ERP44: variants seen among roughly 807,000 people sequenced by gnomAD.
ERP44 encodes the protein endoplasmic reticulum protein 44, also known as endoplasmic reticulum resident protein 44.
A neutral mutation model predicts 53.4 loss-of-function variants in ERP44; 25 were observed. That is an observed-to-expected ratio of 0.47 (90% confidence interval 0.34 to 0.65). The LOEUF (loss-of-function observed/expected upper bound fraction) is 0.65, where lower values mean the gene tolerates loss of function less well. Among genes scored for constraint, ERP44 ranks in the 30% least tolerant of loss-of-function variants. The probability of loss-of-function intolerance (pLI) is 0.01; values close to 1 mark genes in which losing one functional copy is unlikely to be tolerated. For missense variants in ERP44, 338 were observed against 493.2 expected, an observed-to-expected ratio of 0.69 and a Z score of 2.98; for synonymous variants, 145 against 161.2, an observed-to-expected ratio of 0.90 and a Z score of 0.76.
At position 100,012,187 on chromosome 9, in the gene ERP44, C is replaced by T. The variant is rs1220769472; in HGVS notation, c.762+4135G>A. Among the ~76,000 whole-genome samples the T allele has an allele frequency of 5.3e-5, 8 of 152,214 alleles. No individual in the cohort carries two copies. In the East Asian group the frequency reaches 1.4e-3, roughly 26 times the overall value. On this transcript the variant is annotated intron_variant, in intron 8 of 11. Coordinates refer to ENST00000262455, the MANE Select transcript of ERP44 (RefSeq NM_015051.3). ...TGTGTTAGAATTTTCACTCAAAAGT[C>T]TTCTATAATTCAAAATTCCAAAATA... is the stretch of plus-strand genomic sequence containing the variant.
intron 4 of ERP44, among the ~76,000 whole-genome samples, chr9:100,046,072 A>C (rs1333190066): frequency 1.3e-5 from 2 of 152,192 alleles, no homozygotes; most frequent in East Asian, 3.8e-4. Context: ...AAAAACTAAA[A>C]ATTAAAATTT....
intron 4 of ERP44, among the ~76,000 whole-genome samples, chr9:100,030,648 T>A (rs1051329339): frequency 6.6e-6 from 1 of 152,172 alleles, no homozygotes; most frequent in Admixed American, 6.5e-5. Flanking sequence ...TTTGGATTAA[T>A]CTGCCTTGTA....
intron 7 of ERP44, among the ~76,000 whole-genome samples, chr9:100,017,806 A>G (rs981399545): frequency 6.6e-6 from 1 of 152,174 alleles, no homozygotes; most frequent in African/African-American, 2.4e-5. Context: ...TTCTTACCCC[A>G]CAGGTTAAAA....
At chr9:100,069,202 CTTGT>C (rs1262577124) in intron 1 of ERP44, among the ~76,000 whole-genome samples, 1 of 151,402 alleles carries the variant, frequency 6.6e-6, no homozygotes, top group Admixed American at 6.6e-5. Flanking sequence ...CCTTTGTTCA[CTTGT>C]TTATCTGCTG....
In ERP44 at chr9:100,095,102, A is replaced by T. The variant is rs1184887618; in HGVS notation, c.57+3682T>A. Among the ~76,000 whole-genome samples the T allele has an allele frequency of 5.6e-4, 85 of 152,112 alleles. 1 individual carries two copies. Among genetic ancestry groups the T allele is most frequent in the Non-Finnish European group, 2.8e-4 (19 of 68,020 alleles). On this transcript the variant is annotated intron_variant, in intron 1 of 11. Transcript: ENST00000262455. The stretch of plus-strand genomic sequence containing the variant: ...GTTTTGGAAGAGATTTTATATAATT[A>T]TAAAATAAAAGGTAAATTTTTAAAA...
At chr9:100,001,425 G>T (rs1256352344) in intron 10 of ERP44, among the ~76,000 whole-genome samples, 2 of 152,150 alleles carry the variant, frequency 1.3e-5, no homozygotes, top group Non-Finnish European at 2.9e-5. Flanking sequence ...GGCCCTTGCT[G>T]AAAAAGTAGG....
intron 10 of ERP44, among the ~76,000 whole-genome samples, chr9:99,987,557 T>C (rs890800561): frequency 2.0e-5 from 3 of 152,228 alleles, no homozygotes; most frequent in Non-Finnish European, 4.4e-5. Context: ...TTTCTTAAAA[T>C]TTACATACAG....
At chr9:100,075,769 T>C (rs1360222162) in intron 1 of ERP44, among the ~76,000 whole-genome samples, 1 of 152,182 alleles carries the variant, frequency 6.6e-6, no homozygotes, top group African/African-American at 2.4e-5. Context: ...AGTGGGCCTA[T>C]TTGGATTTTG....
chr9:100,097,797 A>T (rs1826661886), intron 1 of ERP44, among the ~76,000 whole-genome samples: 1 of 152,240 alleles, frequency 6.6e-6, no homozygotes, highest in African/African-American at 2.4e-5. Flanking sequence ...ACTTGTTTCT[A>T]ATCCCAGCTC....
intron 10 of ERP44, chr9:99,998,464 C>T (rs1396372881): frequency 1.4e-6 from 1 of 697,626 alleles, no homozygotes; most frequent in Non-Finnish European, 2.7e-6. Flanking sequence ...CATCACACCT[C>T]TGCACTCTTC....
intron 1 of ERP44, among the ~76,000 whole-genome samples, chr9:100,074,184 T>C (rs990233184): frequency 1.3e-5 from 2 of 152,142 alleles, no homozygotes; most frequent in Non-Finnish European, 2.9e-5. Context: ...TAGAGCCAAA[T>C]GTCCAAAGTG....
intron 4 of ERP44, among the ~76,000 whole-genome samples, chr9:100,026,639 T>C (rs1002855508): frequency 2.6e-5 from 4 of 152,174 alleles, no homozygotes; most frequent in Non-Finnish European, 5.9e-5. Flanking sequence ...ATAATAAAAA[T>C]GTTTTAAACT....
chr9:100,084,517 T>C (rs888205686), intron 1 of ERP44, among the ~76,000 whole-genome samples: 1 of 152,222 alleles, frequency 6.6e-6, no homozygotes, highest in Non-Finnish European at 1.5e-5. Context: ...CTTCATTACC[T>C]GACAATGGGT....
At chr9:100,045,798 C>T (rs895079802) in intron 4 of ERP44, among the ~76,000 whole-genome samples, 1 of 152,072 alleles carries the variant, frequency 6.6e-6, no homozygotes, top group Non-Finnish European at 1.5e-5. Context: ...TCTGAGGCCA[C>T]CTTCTGTCCT....
At chr9:100,041,377 G>C (rs1459837850) in intron 4 of ERP44, among the ~76,000 whole-genome samples, 1 of 152,064 alleles carries the variant, frequency 6.6e-6, no homozygotes, top group African/African-American at 2.4e-5. Context: ...CTGGCATAAA[G>C]AACAGACACA....
chr9:100,044,799 T>C (rs1295831531), intron 4 of ERP44, among the ~76,000 whole-genome samples: 1 of 152,160 alleles, frequency 6.6e-6, no homozygotes, highest in Non-Finnish European at 1.5e-5. Context: ...ATACCAAGTT[T>C]CTAAAAATTT....
At chr9:99,991,719 A>C in intron 10 of ERP44, among the ~76,000 whole-genome samples, 1 of 152,216 alleles carries the variant, frequency 6.6e-6, no homozygotes, top group Non-Finnish European at 1.5e-5. Flanking sequence ...AAATCAATGA[A>C]TCCAGGAGCT....
intron 1 of ERP44, among the ~76,000 whole-genome samples, chr9:100,070,598 C>T (rs997741832): frequency 6.6e-6 from 1 of 152,202 alleles, no homozygotes; most frequent in African/African-American, 2.4e-5. Context: ...TTTAACATCA[C>T]TAAAAGTGGA....
At chr9:100,010,425 C>A (rs569010547) in intron 8 of ERP44, among the ~76,000 whole-genome samples, 1 of 152,326 alleles carries the variant, frequency 6.6e-6, no homozygotes, top group South Asian at 2.1e-4. Context: ...TTAAGATTTT[C>A]CAGGTCTATA....
Sources: gnomAD v4.1 joint callset for allele counts (sites outside exome capture counted in the v4.1 genomes callset) on GRCh38, gnomAD v4.1.1 for gene constraint, MANE v1.5 for transcripts, NCBI Gene and HGNC (gene_info 2026-07-23, HGNC 2026-07-21) for gene names.